PSG6: variants seen among roughly 807,000 people sequenced by gnomAD.
PSG6 encodes pregnancy-specific beta-1-glycoprotein 6.
In PSG6, 51 loss-of-function variants were observed where a neutral mutation model predicts 43.3. The ratio of observed to expected loss-of-function variants is 1.18; its 90% CI spans 0.94 to 1.49. The LOEUF is 1.49. PSG6 is among the 40% of genes most tolerant of loss of function. The pLI is 0.00. For synonymous variants in PSG6, 292 were observed against 197.6 expected, an observed-to-expected ratio of 1.48 and a Z score of -4.01; for missense variants, 770 against 522.2, an observed-to-expected ratio of 1.47 and a Z score of -4.62.
At chr19:42,903,766 A>G in intron 5 of PSG6, 2 of 1,501,122 alleles carry the variant, frequency 1.3e-6, no homozygotes, top group Non-Finnish European at 1.8e-6. Flanking sequence ...GTTGACATGC[A>G]CCTGTAGTCC....
At chr19:42,903,015 C>G (rs1482314154) in intron 5 of PSG6, among the ~76,000 whole-genome samples, 1 of 151,634 alleles carries the variant, frequency 6.6e-6, no homozygotes, top group Non-Finnish European at 1.5e-5. Flanking sequence ...ATAACCCTGT[C>G]AGGTAGGCAT....
intron 2 of PSG6, among the ~76,000 whole-genome samples, chr19:42,911,231 A>T (rs1489436893): frequency 3.3e-5 from 5 of 151,544 alleles, no homozygotes; most frequent in African/African-American, 9.7e-5. Context: ...TGTTAGTTTC[A>T]GTCTCACTTT....
At chr19:42,916,104 G>A in intron 2 of PSG6, 21 bp downstream of exon 2, 2 of 1,608,658 alleles carry the variant, frequency 1.2e-6, no homozygotes, top group East Asian at 2.2e-5. Flanking sequence ...CAACACCCAG[G>A]GATCATGCGG....
In PSG6 at chr19:42,908,692, G is replaced by A. The variant is rs139737011; in HGVS notation, c.707-838C>T. On this transcript the variant is annotated intron_variant, in intron 3 of 5. Transcript: ENST00000187910. ...CAAATGCAGAACTGAGTGGTGGAAA[G>A]GGTGGGAATGAACTGCTGGAAATCT... is the stretch of plus-strand genomic sequence containing the variant. Among the ~76,000 whole-genome samples, 6 of 151,868 alleles carry A rather than the reference G, an allele frequency of 4.0e-5. No homozygotes were observed. In the East Asian group the frequency reaches 9.7e-4, roughly 25 times the overall value.
chr19:42,910,399 T>C, intron 3 of PSG6, 181 bp downstream of exon 3: 3 of 1,492,668 alleles, frequency 2.0e-6, no homozygotes, highest in Non-Finnish European at 2.8e-6. Flanking sequence ...GCCTCTTCTC[T>C]CTTATTGTTG....
rs397832567 is a variant in PSG6 at position 42,910,701 on chromosome 19, G to A, written c.585C>T (p.Ser195=). ...ATAGATAGAGGGTCCTGTTGGTTTT[G>A]GACAGCTGCAACCTGTGAGTCATAG... The part of the protein sequence containing the change: ...NLPMTHRLQL[S]KTNRTLYLFG... Residue 195 remains serine, a synonymous_variant, in exon 3 of 6, where the codon TCC becomes TCT. Transcript: ENST00000187910. The A allele has an allele frequency of 3.7e-6, 6 of 1,612,334 alleles. No individual in the cohort carries two copies. The highest frequency in any genetic ancestry group is 2.2e-5 in the South Asian group (2 of 90,604).
intron 5 of PSG6, among the ~76,000 whole-genome samples, 180 bp from the exon 6 acceptor site, chr19:42,902,626 G>A (rs1261628414): frequency 6.6e-6 from 1 of 151,596 alleles, no homozygotes; most frequent in Non-Finnish European, 1.5e-5. Flanking sequence ...AAAACTCTTA[G>A]AACTGCATTG....
intron 5 of PSG6, among the ~76,000 whole-genome samples, chr19:42,905,888 A>T (rs1252359221): frequency 6.6e-6 from 1 of 151,566 alleles, no homozygotes; most frequent in Non-Finnish European, 1.5e-5. Context: ...AGAGACAGAA[A>T]GTAGAATGGT....
intron 3 of PSG6, 75 bp downstream of exon 3, chr19:42,910,505 G>T (rs764131813): frequency 1.9e-6 from 3 of 1,612,380 alleles, no homozygotes; most frequent in South Asian, 2.2e-5. Flanking sequence ...ACCTGAGAGG[G>T]ACTGAGAGGC....
intron 5 of PSG6, among the ~76,000 whole-genome samples, chr19:42,905,698 C>A (rs1160067242): frequency 6.6e-6 from 1 of 151,448 alleles, no homozygotes; most frequent in Admixed American, 6.6e-5. Context: ...AGTGGGTAGG[C>A]AAATGAGATG....
chr19:42,906,669 CAT>C, intron 5 of PSG6: 12 of 1,423,424 alleles, frequency 8.4e-6, no homozygotes, highest in Non-Finnish European at 1.0e-5. Context: ...TCTTCTACCA[CAT>C]AGGGCTCAGG....
At chr19:42,910,991 G>A (rs1972214093) in intron 2 of PSG6, 133 bp from the exon 3 acceptor site, 2 of 1,485,792 alleles carry the variant, frequency 1.3e-6, no homozygotes, top group East Asian at 2.3e-5. Flanking sequence ...AGGTGTGTGT[G>A]TTACAAGACA....
Position 42,910,661 on chromosome 19 carries a change from A to C in PSG6, c.625T>G (p.Tyr209Asp). 4 of 1,612,372 alleles carry C rather than the reference A, an allele frequency of 2.5e-6. No individual in the cohort carries two copies. Among genetic ancestry groups the C allele is most frequent in the Non-Finnish European group, 3.4e-6 (4 of 1,179,280 alleles). Reference protein sequence around the residue: ...RTLYLFGVTKYIAGPYECEIR... With the variant: ...RTLYLFGVTKDIAGPYECEIR... ...TCACATTCATAGGGTCCTGCAATATACTTTGTGACACCAAATAGATAGAGG... is the reference window on the plus strand; with the variant it reads ...TCACATTCATAGGGTCCTGCAATATCCTTTGTGACACCAAATAGATAGAGG... The change falls in exon 3 of 6, where the codon TAT becomes GAT. Residue 209 changes from tyrosine (Y) to aspartate (D), a missense_variant. Coordinates refer to ENST00000187910, the MANE Select transcript of PSG6 (RefSeq NM_001031850.4).
chr19:42,910,815 G>T lies in PSG6; in HGVS notation c.471C>A (p.Pro157=). 6.2e-7 allele frequency: 1 copy of T among 1,612,068 alleles called. No homozygotes were observed. Among genetic ancestry groups the T allele is most frequent in the East Asian group, 2.2e-5 (1 of 44,774 alleles). Residue 157 remains proline (P), a synonymous_variant, in exon 3 of 6, where the codon CCC becomes CCA. Coordinates refer to ENST00000187910, the MANE Select transcript of PSG6 (RefSeq NM_001031850.4). ...AGCGCACAGCCTCCATGACCTCCCT[G>T]GGGTTTAAGTTGCTGCTGGAGATGG... ...KPSISSSNLN[P]REVMEAVRLI... is the part of the protein sequence containing the mutation.
intron 5 of PSG6, 143 bp from the exon 6 acceptor site, chr19:42,902,589 G>C: frequency 8.6e-7 from 1 of 1,160,070 alleles, no homozygotes; most frequent in Non-Finnish European, 1.2e-6. Flanking sequence ...TGGGTGACTG[G>C]TTGGAGGATT....
Position 42,907,112 on chromosome 19 carries a change from G to C in PSG6, c.1050C>G (p.Asp350Glu). ...FTYYRSGENL[D>E]LSCFADSNPP... ...GGTTAGAGTCCGCAAAGCAGGACAAGTCGAGGTTTTCTCCTGAACGGTAAT... is the reference window on the plus strand; with the variant it reads ...GGTTAGAGTCCGCAAAGCAGGACAACTCGAGGTTTTCTCCTGAACGGTAAT... Residue 350 changes from aspartate to glutamate, a missense_variant, in exon 5 of 6, where the codon GAC becomes GAG. Transcript: ENST00000187910. 1 of 1,612,814 alleles carries C rather than the reference G, an allele frequency of 6.2e-7. No individual in the cohort carries two copies.
At chr19:42,905,537 T>C (rs1249806092) in intron 5 of PSG6, among the ~76,000 whole-genome samples, 1 of 151,628 alleles carries the variant, frequency 6.6e-6, no homozygotes, top group African/African-American at 2.4e-5. Flanking sequence ...AATTAAACAA[T>C]AAATTACCAT....
intron 5 of PSG6, 85 bp downstream of exon 5, chr19:42,906,837 A>G: frequency 6.2e-7 from 1 of 1,608,466 alleles, no homozygotes; most frequent in Admixed American, 1.7e-5. Flanking sequence ...CAGTCTGGGA[A>G]TACAAATGTT....
chr19:42,912,481 T>C (rs1159128122), intron 2 of PSG6, among the ~76,000 whole-genome samples: 3 of 151,848 alleles, frequency 2.0e-5, no homozygotes, highest in Non-Finnish European at 4.4e-5. Context: ...CCAAAGGTGA[T>C]TTGAAATTAG....
Sources: allele counts gnomAD v4.1 joint callset (sites outside exome capture counted in the v4.1 genomes callset), GRCh38; gene constraint gnomAD v4.1.1; transcripts MANE v1.5; gene names NCBI Gene and HGNC (gene_info 2026-07-23, HGNC 2026-07-21).